The following GABRG3 variants were observed in gnomAD, a reference collection of about 807,000 sequenced individuals.
GABRG3 encodes the protein gamma-aminobutyric acid receptor subunit gamma-3.
In GABRG3, 25 loss-of-function variants were observed where a neutral mutation model predicts 48.8. That is an observed-to-expected ratio of 0.51 (90% CI 0.37 to 0.72). GABRG3 has a LOEUF of 0.72. GABRG3 is among the 30% of genes least tolerant of loss of function. The pLI is 0.00. For missense variants in GABRG3, 394 were observed against 577.9 expected (o/e 0.68, Z 3.26); for synonymous variants, 227 against 217.6 (o/e 1.04, Z -0.38).
chr15:27,088,821 A>G (rs1459088045), intron 3 of GABRG3, among the ~76,000 whole-genome samples: 1 of 152,124 alleles, frequency 6.6e-6, no homozygotes, highest in Non-Finnish European at 1.5e-5. Context: ...GAGCCAAGCC[A>G]TGTGAGTGCC....
At chr15:27,252,093 C>T (rs1890474900) in intron 3 of GABRG3, among the ~76,000 whole-genome samples, 1 of 152,162 alleles carries the variant, frequency 6.6e-6, no homozygotes, top group South Asian at 2.1e-4. Flanking sequence ...TCTCCCTCAC[C>T]CTCCCTAGTG....
chr15:27,103,405 T>C (rs1285750341), intron 3 of GABRG3, among the ~76,000 whole-genome samples: 2 of 152,128 alleles, frequency 1.3e-5, no homozygotes, highest in Admixed American at 1.3e-4. Flanking sequence ...CACAGCAGGT[T>C]CACCCAGGGT....
At chr15:27,261,757 C>T (rs28508311) in intron 3 of GABRG3, among the ~76,000 whole-genome samples, 1 of 151,928 alleles carries the variant, frequency 6.6e-6, no homozygotes, top group Non-Finnish European at 1.5e-5. Flanking sequence ...TCTTACCTTG[C>T]AAGATTATTG....
At chr15:27,355,313 C>T (rs1460470405) in intron 5 of GABRG3, among the ~76,000 whole-genome samples, 5 of 152,120 alleles carry the variant, frequency 3.3e-5, no homozygotes, top group Non-Finnish European at 7.4e-5. Flanking sequence ...TAAAAATGGG[C>T]AAAGGGTTTG....
At chr15:27,089,584 A>G (rs1277813020) in intron 3 of GABRG3, among the ~76,000 whole-genome samples, 1 of 152,146 alleles carries the variant, frequency 6.6e-6, no homozygotes, top group Non-Finnish European at 1.5e-5. Context: ...GTGTGACCAT[A>G]GTAGCAGCCC....
In GABRG3 at chr15:27,307,156, A is replaced by G. The variant is rs552327528; in HGVS notation, c.271-19653A>G. On this transcript the variant is annotated intron_variant, in intron 3 of 9. Coordinates refer to ENST00000615808, the MANE Select transcript of GABRG3 (RefSeq NM_033223.5). ...CATGTTTATACATATATAAACATAT[A>G]AAAACATGTTTATACATAATATATA... Among the ~76,000 whole-genome samples the G allele has an allele frequency of 1.3e-3, 179 of 137,128 alleles. 2 individuals carry two copies. The highest frequency in any genetic ancestry group is 4.4e-3 in the African/African-American group (167 of 37,826). The allele number at this position is 137,128 out of a possible 152,430, so 90.0% of individuals were successfully genotyped here.
chr15:27,466,229 G>A (rs1159700394), intron 5 of GABRG3, among the ~76,000 whole-genome samples: 1 of 152,172 alleles, frequency 6.6e-6, no homozygotes, highest in Non-Finnish European at 1.5e-5. Flanking sequence ...ATATTCCATA[G>A]AAGACCACAG....
chr15:27,461,162 A>ACTGCTG (rs1409979846), intron 5 of GABRG3, among the ~76,000 whole-genome samples: 1 of 152,180 alleles, frequency 6.6e-6, no homozygotes, highest in Admixed American at 6.5e-5. Flanking sequence ...CACTCAGAGC[A>ACTGCTG]CTGCTGCTGC....
intron 6 of GABRG3, among the ~76,000 whole-genome samples, chr15:27,511,255 G>A (rs1258834139): frequency 6.6e-6 from 1 of 152,178 alleles, no homozygotes; most frequent in Non-Finnish European, 1.5e-5. Flanking sequence ...CAATAGATGG[G>A]CCCTTCAAGA....
At chr15:27,394,129 T>A (rs1368940726) in intron 5 of GABRG3, among the ~76,000 whole-genome samples, 4 of 152,204 alleles carry the variant, frequency 2.6e-5, no homozygotes, top group Non-Finnish European at 5.9e-5. Flanking sequence ...GGGGTTTTTA[T>A]ATTTGTTTTC....
At chr15:27,174,599 T>TCTCTCC (rs1313340607) in intron 3 of GABRG3, among the ~76,000 whole-genome samples, 1 of 151,704 alleles carries the variant, frequency 6.6e-6, no homozygotes, top group African/African-American at 2.4e-5. Flanking sequence ...TCTCTCTCTC[T>TCTCTCC]CTCTCTCTCT....
In GABRG3 at chr15:27,307,093, TATAATATAAACATGTTTATATATAAAC is replaced by T. The variant is rs1566770174; in HGVS notation, c.271-19695_271-19669del. ...ATATAAACATGTTTATATATAAACA[TATAATATAAACATGTTTATATATAAAC>T]ATAATATAAACATGTTTATACATAT... On this transcript the variant is annotated intron_variant, in intron 3 of 9. Transcript: ENST00000615808. Among the ~76,000 whole-genome samples the T allele has an allele frequency of 2.8e-3, 339 of 119,716 alleles. 8 individuals are homozygous for T. Among genetic ancestry groups the T allele is most frequent in the African/African-American group, 0.014 (319 of 23,114 alleles). 78.5% of individuals were successfully genotyped at this position (119,716 alleles called of 152,430 possible).
chr15:27,329,979 C>T (rs550841041), intron 5 of GABRG3, among the ~76,000 whole-genome samples: 1 of 152,122 alleles, frequency 6.6e-6, no homozygotes, highest in African/African-American at 2.4e-5. Flanking sequence ...TGGTGGCTCA[C>T]GCCTGTAATC....
intron 3 of GABRG3, among the ~76,000 whole-genome samples, chr15:27,150,146 G>A (rs2140395893): frequency 6.6e-6 from 1 of 152,256 alleles, no homozygotes; most frequent in East Asian, 1.9e-4. Flanking sequence ...TTTGGGAATA[G>A]GAAGGGTTGA....
At chr15:27,190,650 A>G (rs1287817711) in intron 3 of GABRG3, among the ~76,000 whole-genome samples, 3 of 151,430 alleles carry the variant, frequency 2.0e-5, no homozygotes, top group Admixed American at 2.0e-4. Context: ...GCGGTCTATC[A>G]ATTTTGTTGA....
At chr15:27,037,747 A>G (rs544897839) in intron 3 of GABRG3, among the ~76,000 whole-genome samples, 1 of 152,280 alleles carries the variant, frequency 6.6e-6, no homozygotes, top group South Asian at 2.1e-4. Context: ...GAGCTGTCTT[A>G]TCTGTGTTTT....
intron 3 of GABRG3, among the ~76,000 whole-genome samples, chr15:27,107,789 G>T (rs1464088577): frequency 6.6e-6 from 1 of 151,564 alleles, no homozygotes; most frequent in African/African-American, 2.4e-5. Flanking sequence ...GTCTTTAAAA[G>T]AATTGGTTCA....
intron 3 of GABRG3, among the ~76,000 whole-genome samples, chr15:27,225,045 A>G: frequency 6.6e-6 from 1 of 152,112 alleles, no homozygotes; most frequent in East Asian, 1.9e-4. Context: ...TGTTGCTCTG[A>G]CAAAGACTAG....
At chr15:26,999,867 T>C (rs1190027688) in intron 2 of GABRG3, among the ~76,000 whole-genome samples, 1 of 152,160 alleles carries the variant, frequency 6.6e-6, no homozygotes, top group African/African-American at 2.4e-5. Context: ...TCACTATTCT[T>C]TTCTACTGTG....
Sources: gnomAD v4.1 joint callset for allele counts (sites outside exome capture counted in the v4.1 genomes callset) on GRCh38, gnomAD v4.1.1 for gene constraint, MANE v1.5 for transcripts, NCBI Gene and HGNC (gene_info 2026-07-23, HGNC 2026-07-21) for gene names.